The following UFM1 variants were observed in gnomAD, a reference collection of about 807,000 sequenced individuals.
UFM1 encodes ubiquitin-fold modifier 1.
UFM1 carries 9 observed loss-of-function variants against 15.4 expected under a neutral mutation model. The ratio of observed to expected loss-of-function variants is 0.59; its 90% CI spans 0.35 to 1.02. The LOEUF (loss-of-function observed/expected upper bound fraction) is 1.02, where lower values mean the gene tolerates loss of function less well. UFM1 is among the 50% of genes least tolerant of loss of function. UFM1 has a pLI of 0.02. For missense variants in UFM1, 98 were observed against 104.7 expected, an observed-to-expected ratio of 0.94 and a Z score of 0.28; for synonymous variants, 27 against 36.3, an observed-to-expected ratio of 0.74 and a Z score of 0.92.
At chr13:38,351,418 C>T (rs561591763) in intron 2 of UFM1, among the ~76,000 whole-genome samples, 2 of 152,238 alleles carry the variant, frequency 1.3e-5, no homozygotes, top group Non-Finnish European at 2.9e-5. Context: ...AAACTTTCCA[C>T]AGCTGCTGTC....
chr13:38,351,415 C>T (rs541612953), intron 2 of UFM1, among the ~76,000 whole-genome samples: 5 of 152,314 alleles, frequency 3.3e-5, no homozygotes, highest in African/African-American at 1.2e-4. Flanking sequence ...TTCAAACTTT[C>T]CACAGCTGCT....
chr13:38,358,258 TACTG>T lies in UFM1; in HGVS notation c.157+127_157+130del, dbSNP rs945967032. The stretch of plus-strand genomic sequence containing the variant: ...TGTATATCAACATAAATGATATACT[TACTG>T]GTAAACACTAAGTCAGGGTTATTGT... On this transcript the variant is annotated intron_variant, in intron 4 of 5. Transcript: ENST00000239878. 1.4e-4 allele frequency: 67 copies of T among 475,620 alleles called. 1 individual carries two copies. The highest frequency in any genetic ancestry group is 1.2e-3 in the African/African-American group (61 of 48,896). 29.5% of individuals were successfully genotyped at this position (475,620 alleles called of 1,614,324 possible). A position where few individuals can be genotyped will look rare whatever the true frequency, so the allele number is the denominator to read the frequency against.
intron 2 of UFM1, among the ~76,000 whole-genome samples, chr13:38,350,543 C>G (rs1189283193): frequency 6.6e-6 from 1 of 152,186 alleles, no homozygotes; most frequent in African/African-American, 2.4e-5. Flanking sequence ...GTATGAGTAA[C>G]TCAGCAGTCG....
chr13:38,357,768 A>G (rs1879175539), intron 3 of UFM1, among the ~76,000 whole-genome samples: 1 of 151,946 alleles, frequency 6.6e-6, no homozygotes, highest in Non-Finnish European at 1.5e-5. Context: ...AGAAAATCAT[A>G]ACAGAAAGTA....
In UFM1 at chr13:38,359,349, CTCATAGAGGA is replaced by C. The variant is rs1228568948; in HGVS notation, c.190+17_190+26del. 1.9e-6 allele frequency: 3 copies of C among 1,611,112 alleles called. No individual in the cohort carries two copies. The highest frequency in any genetic ancestry group is 2.5e-6 in the Non-Finnish European group (3 of 1,177,902). ...CAGACTGCTGGTGAGTATTTGAAAA[CTCATAGAGGA>C]GTGGGTGGGGTTATATATGTCAATT... On this transcript the variant is annotated intron_variant, in intron 5 of 5. Transcript: ENST00000239878.
At chr13:38,351,157 C>T (rs1878833693) in intron 2 of UFM1, among the ~76,000 whole-genome samples, 1 of 152,174 alleles carries the variant, frequency 6.6e-6, no homozygotes, top group Non-Finnish European at 1.5e-5. Context: ...ACCTTTAAAT[C>T]ATTCTCATGC....
chr13:38,357,513 G>GTTT (rs34489703), intron 3 of UFM1, among the ~76,000 whole-genome samples: 3,672 of 148,940 alleles, frequency 0.025, 41 homozygotes, highest in Non-Finnish European at 0.034. Context: ...ATAATACAGG[G>GTTT]TTTTTTTTTT....
At chr13:38,351,136 T>C (rs1327958393) in intron 2 of UFM1, among the ~76,000 whole-genome samples, 1 of 152,152 alleles carries the variant, frequency 6.6e-6, no homozygotes, top group African/African-American at 2.4e-5. Context: ...TAGTTAAGAG[T>C]CCATTGGTCC....
Position 38,356,938 on chromosome 13 carries a change from G to A in UFM1, c.118-1155G>A, listed in dbSNP as rs114455643. 4.8e-3 allele frequency among the ~76,000 whole-genome samples: 724 copies of A among 151,924 alleles called. 2 individuals carry two copies. The highest frequency in any genetic ancestry group is 0.016 in the African/African-American group (677 of 41,524). On this transcript the variant is annotated intron_variant, in intron 3 of 5. Coordinates refer to ENST00000239878, the MANE Select transcript of UFM1 (RefSeq NM_016617.4). ...ACTGTGAAGACATAAACACACTTTG[G>A]CAACTGCTGGTCTCTTTAAGAGATG...
intron 5 of UFM1, chr13:38,359,776 A>G (rs1566034284): frequency 1.2e-5 from 2 of 162,060 alleles, no homozygotes; most frequent in Admixed American, 6.2e-5. Context: ...CTACATTCAG[A>G]TCTTCAAACT....
chr13:38,352,640 G>C (rs1465818967), intron 2 of UFM1, among the ~76,000 whole-genome samples: 1 of 152,178 alleles, frequency 6.6e-6, no homozygotes, highest in Non-Finnish European at 1.5e-5. Flanking sequence ...ATCTAGATAA[G>C]ATCTGTGGAG....
rs35879418 is a variant in UFM1 at position 38,352,102 on chromosome 13, CTT to C, written c.59+2063_59+2064del. Among the ~76,000 whole-genome samples the C allele has an allele frequency of 5.5e-3, 578 of 105,294 alleles. 2 individuals are homozygous for C. The highest frequency in any genetic ancestry group is 0.041 in the South Asian group (135 of 3,290). The allele number at this position is 105,294 out of a possible 152,430, so 69.1% of individuals were successfully genotyped here. On this transcript the variant is annotated intron_variant, in intron 2 of 5. Coordinates refer to ENST00000239878, the MANE Select transcript of UFM1 (RefSeq NM_016617.4). The stretch of plus-strand genomic sequence containing the variant: ...GAAGTTTGTTTTTTTTTCTTTCTTT[CTT>C]TTTTTTTTTTTTTTTGTGAAACAAA...
At chr13:38,354,185 CT>C in intron 2 of UFM1, 53 bp from the exon 3 acceptor site, 1 of 1,567,556 alleles carries the variant, frequency 6.4e-7, no homozygotes, top group Non-Finnish European at 8.7e-7. Flanking sequence ...AACAAAGGGG[CT>C]TTTTTAGAAA....
intron 5 of UFM1, 65 bp from the exon 6 acceptor site, chr13:38,360,646 T>C (rs1315000713): frequency 1.7e-6 from 2 of 1,209,348 alleles, no homozygotes; most frequent in East Asian, 2.5e-5. Flanking sequence ...TATTTAATAA[T>C]TGTCAGAATA....
intron 3 of UFM1, among the ~76,000 whole-genome samples, chr13:38,355,362 T>A (rs1425294472): frequency 2.0e-5 from 3 of 152,008 alleles, no homozygotes; most frequent in Admixed American, 2.0e-4. Context: ...TAAAATGAGA[T>A]GGGACACAAA....
At chr13:38,358,216 A>T in intron 4 of UFM1, 84 bp downstream of exon 4, 1 of 842,662 alleles carries the variant, frequency 1.2e-6, no homozygotes, top group Non-Finnish European at 1.7e-6. Context: ...AATTAAATAC[A>T]AAAAGCCCCA....
intron 2 of UFM1, among the ~76,000 whole-genome samples, chr13:38,352,739 G>A (rs951582329): frequency 6.6e-6 from 1 of 151,952 alleles, no homozygotes; most frequent in Non-Finnish European, 1.5e-5. Flanking sequence ...TTATTGGCTT[G>A]TCTGTGGACA....
At chr13:38,357,244 C>T (rs748148467) in intron 3 of UFM1, among the ~76,000 whole-genome samples, 23 of 151,890 alleles carry the variant, frequency 1.5e-4, no homozygotes, top group Non-Finnish European at 3.1e-4. Flanking sequence ...TCGGTAGGCA[C>T]CTCCCATTAA....
chr13:38,360,063 A>G (rs773961781), intron 5 of UFM1: 1 of 397,880 alleles, frequency 2.5e-6, no homozygotes. Context: ...AAATTCAGCC[A>G]TAAAGAAAAT....
Sources: gnomAD v4.1 joint callset for allele counts (sites outside exome capture counted in the v4.1 genomes callset) on GRCh38, gnomAD v4.1.1 for gene constraint, MANE v1.5 for transcripts, NCBI Gene and HGNC (gene_info 2026-07-23, HGNC 2026-07-21) for gene names.